The following SRGAP2B variants were observed in gnomAD, a reference collection of about 807,000 sequenced individuals.
SRGAP2B encodes SLIT-ROBO Rho GTPase-activating protein 2B.
SRGAP2B carries 9 observed loss-of-function variants against 22.2 expected under a neutral mutation model. The observed-to-expected ratio is 0.41, with a 90% confidence interval of 0.24 to 0.71. The LOEUF is 0.71. SRGAP2B is among the 30% of genes least tolerant of loss of function. The probability of loss-of-function intolerance (pLI) is 0.35; values close to 1 mark genes in which losing one functional copy is unlikely to be tolerated. For synonymous variants in SRGAP2B, 36 were observed against 87.4 expected, an observed-to-expected ratio of 0.41 and a Z score of 3.28; for missense variants, 114 against 235.8, an observed-to-expected ratio of 0.48 and a Z score of 3.38.
At chr1:144,955,234 C>A (rs1553610044) in intron 4 of SRGAP2B, among the ~76,000 whole-genome samples, 3 of 149,150 alleles carry the variant, frequency 2.0e-5, no homozygotes. Context: ...ATAAGATATT[C>A]TTTCTTTTAT....
At chr1:145,030,051 G>A (rs1444478993) in intron 2 of SRGAP2B, among the ~76,000 whole-genome samples, 6 of 148,934 alleles carry the variant, frequency 4.0e-5, no homozygotes, top group African/African-American at 5.1e-5. Flanking sequence ...AGGGGAGTCC[G>A]CATTTTTGTT....
chr1:144,989,135 C>T (rs2257264), intron 3 of SRGAP2B, among the ~76,000 whole-genome samples: 1 of 127,336 alleles, frequency 7.9e-6, no homozygotes, highest in South Asian at 2.7e-4. Flanking sequence ...TGCTGCCACA[C>T]CCAATCTGAA....
chr1:145,044,196 C>T (rs1317131181), intron 2 of SRGAP2B, among the ~76,000 whole-genome samples: 3 of 130,944 alleles, frequency 2.3e-5, no homozygotes, highest in Non-Finnish European at 4.7e-5. Flanking sequence ...GGATATAGAT[C>T]CTGGAACACC....
In SRGAP2B at chr1:145,069,914, AAG is replaced by A. The variant is rs1651951544; in HGVS notation, c.67+22919_67+22920del. On this transcript the variant is annotated intron_variant, in intron 2 of 9. Coordinates refer to ENST00000612199, the Ensembl canonical transcript of SRGAP2B. ...GCCTATTTGAAGTAAAACTGGTTTT[AAG>A]CAGGTTAATGAACCCCAGGCTTACA... Among the ~76,000 whole-genome samples, 257 of 149,346 alleles carry A rather than the reference AAG, an allele frequency of 1.7e-3. 4 individuals are homozygous for A. Among genetic ancestry groups the A allele is most frequent in the Middle Eastern group, 0.014 (4 of 294 alleles).
chr1:144,984,670 C>T (rs1223039839), intron 3 of SRGAP2B, among the ~76,000 whole-genome samples: 3 of 148,724 alleles, frequency 2.0e-5, no homozygotes, highest in Non-Finnish European at 4.4e-5. Flanking sequence ...CTTTTCATTC[C>T]TACCATCCCA....
intron 2 of SRGAP2B, among the ~76,000 whole-genome samples, chr1:145,058,152 T>A (rs587675234): frequency 4.0e-5 from 6 of 149,656 alleles, no homozygotes; most frequent in African/African-American, 1.5e-4. Flanking sequence ...TGTGTGACCA[T>A]GAGCACGTAT....
intron 1 of SRGAP2B, among the ~76,000 whole-genome samples, chr1:145,094,091 G>A (rs1654236775): frequency 9.0e-6 from 1 of 110,726 alleles, no homozygotes; most frequent in Non-Finnish European, 1.8e-5. Context: ...GCGAGCGGAA[G>A]GCAGCCGTCG....
chr1:144,992,220 C>T (rs1318175324), intron 3 of SRGAP2B, among the ~76,000 whole-genome samples: 1 of 150,658 alleles, frequency 6.6e-6, no homozygotes, highest in Non-Finnish European at 1.5e-5. Flanking sequence ...CACATCTGAA[C>T]ATCAGAAGGG....
intron 3 of SRGAP2B, among the ~76,000 whole-genome samples, chr1:144,984,056 T>C (rs1334118313): frequency 1.3e-5 from 2 of 150,748 alleles, no homozygotes; most frequent in Non-Finnish European, 2.9e-5. Context: ...CACAGAGGCT[T>C]ATGCCTGTAA....
At chr1:145,046,607 TG>T (rs1649819934) in intron 2 of SRGAP2B, among the ~76,000 whole-genome samples, 1 of 130,454 alleles carries the variant, frequency 7.7e-6, no homozygotes, top group African/African-American at 3.2e-5. Context: ...AAACTGTTAC[TG>T]GGGGAAAAAA....
chr1:145,076,162 T>C (rs1652485657), intron 2 of SRGAP2B, among the ~76,000 whole-genome samples: 1 of 150,206 alleles, frequency 6.7e-6, no homozygotes, highest in Admixed American at 6.6e-5. Flanking sequence ...TATCTTCTAA[T>C]GTACAATCTT....
At chr1:144,924,817 G>C (rs1553604740) in intron 4 of SRGAP2B, among the ~76,000 whole-genome samples, 1 of 147,704 alleles carries the variant, frequency 6.8e-6, no homozygotes, top group East Asian at 1.9e-4. Flanking sequence ...CAAGTTTGTT[G>C]TATTTTTACT....
At chr1:144,947,281 C>G (rs1218650190) in intron 4 of SRGAP2B, among the ~76,000 whole-genome samples, 1 of 60,850 alleles carries the variant, frequency 1.6e-5, no homozygotes, top group Non-Finnish European at 3.2e-5. Flanking sequence ...AATGCCTTCT[C>G]ACAGTTTCAT....
chr1:145,093,974 C>G (rs2102517887), intron 1 of SRGAP2B, among the ~76,000 whole-genome samples: 1 of 149,134 alleles, frequency 6.7e-6, no homozygotes, highest in East Asian at 2.0e-4. Context: ...GGCAAATCTG[C>G]AGGAAAAAGC....
At chr1:145,006,146 A>C (rs1671573399) in intron 2 of SRGAP2B, among the ~76,000 whole-genome samples, 1 of 150,956 alleles carries the variant, frequency 6.6e-6, no homozygotes, top group Non-Finnish European at 1.5e-5. Flanking sequence ...CTACTGAAGC[A>C]TGAGACTTGG....
rs1666357074 is a variant in SRGAP2B, at chr1:144,944,716, TTTA to T, written c.423+10720_423+10722del. Among the ~76,000 whole-genome samples, 52 of 146,564 alleles carry T rather than the reference TTTA, an allele frequency of 3.5e-4. No homozygotes were observed. The South Asian group carries it at 9.6e-3, about 27-fold the overall frequency. On this transcript the variant is annotated intron_variant, in intron 4 of 9. Transcript: ENST00000612199. Reference sequence around the variant, plus strand: ...ATTTATTTATTTATTTATTTATTTATTTATTTATTTTTTGAGATGGAGTCTTGC... The same window carrying T: ...ATTTATTTATTTATTTATTTATTTATTTTATTTTTTGAGATGGAGTCTTGC...
At chr1:144,983,998 C>A (rs1479736562) in intron 3 of SRGAP2B, among the ~76,000 whole-genome samples, 1 of 150,882 alleles carries the variant, frequency 6.6e-6, no homozygotes, top group East Asian at 1.9e-4. Flanking sequence ...CCTTCAAAAA[C>A]AATTCTTTCT....
At chr1:145,063,641 G>C (rs1651157884) in intron 2 of SRGAP2B, among the ~76,000 whole-genome samples, 1 of 150,330 alleles carries the variant, frequency 6.7e-6, no homozygotes. Context: ...AGGGCTGTGA[G>C]CATTTTGGGG....
chr1:145,075,774 G>A (rs1203839141), intron 2 of SRGAP2B, among the ~76,000 whole-genome samples: 1 of 147,234 alleles, frequency 6.8e-6, no homozygotes, highest in Non-Finnish European at 1.5e-5. Context: ...TAAAAGAGTT[G>A]TCTCTAGATT....
Sources: gnomAD v4.1 joint callset for allele counts (sites outside exome capture counted in the v4.1 genomes callset) on GRCh38, gnomAD v4.1.1 for gene constraint, MANE v1.5 for transcripts, NCBI Gene and HGNC (gene_info 2026-07-23, HGNC 2026-07-21) for gene names.